C12orf42: variants seen among roughly 807,000 people sequenced by gnomAD.
C12orf42 encodes the protein uncharacterized protein C12orf42.
A neutral mutation model predicts 21.6 loss-of-function variants in C12orf42; 25 were observed. That is an observed-to-expected ratio of 1.16 (90% CI 0.84 to 1.62). The LOEUF (loss-of-function observed/expected upper bound fraction) is 1.62, where lower values mean the gene tolerates loss of function less well. C12orf42 is among the 40% of genes most tolerant of loss of function. The pLI is 0.00. For synonymous variants in C12orf42, 174 were observed against 175.0 expected (o/e 0.99, Z 0.05); for missense variants, 483 against 459.3 (o/e 1.05, Z -0.47).
the C12orf42 span, among the ~76,000 whole-genome samples, chr12:103,200,593 T>A: frequency 7.2e-5 from 11 of 152,302 alleles, no homozygotes; most frequent in Admixed American, 4.6e-4. Context: ...CAGCTCCAAA[T>A]TCATCAAGTT....
the C12orf42 span, among the ~76,000 whole-genome samples, chr12:103,165,329 C>T: frequency 6.6e-6 from 1 of 152,226 alleles, no homozygotes; most frequent in Non-Finnish European, 1.5e-5. Flanking sequence ...TCTTTGTTCT[C>T]TTGAAACATG....
At chr12:103,048,480 G>A in the C12orf42 span, among the ~76,000 whole-genome samples, 1 of 152,006 alleles carries the variant, frequency 6.6e-6, no homozygotes, top group Non-Finnish European at 1.5e-5. Context: ...TACACGTGTG[G>A]AACGTCTGAC....
intron 4 of C12orf42, among the ~76,000 whole-genome samples, chr12:103,285,768 G>A (rs576556164): frequency 2.6e-5 from 4 of 152,324 alleles, no homozygotes; most frequent in African/African-American, 9.6e-5. Flanking sequence ...CTTCATTGGA[G>A]AAGATTGTTT....
chr12:103,345,300 G>C (rs978522505), intron 4 of C12orf42, among the ~76,000 whole-genome samples: 8 of 151,990 alleles, frequency 5.3e-5, no homozygotes, highest in Non-Finnish European at 1.2e-4. Flanking sequence ...ATAATAATAG[G>C]ACCTTACTCA....
the C12orf42 span, among the ~76,000 whole-genome samples, chr12:103,087,253 C>A: frequency 6.6e-6 from 1 of 152,146 alleles, no homozygotes; most frequent in Non-Finnish European, 1.5e-5. Context: ...TAAGCATGTT[C>A]ATTCCATTTT....
chr12:103,385,197 T>G (rs981060128), intron 3 of C12orf42, among the ~76,000 whole-genome samples: 5 of 152,198 alleles, frequency 3.3e-5, no homozygotes. Context: ...ACTACTAAGT[T>G]AAGAAACACT....
intron 2 of C12orf42, among the ~76,000 whole-genome samples, chr12:103,472,767 G>A (rs1239028323): frequency 2.6e-5 from 4 of 152,170 alleles, no homozygotes; most frequent in Admixed American, 6.5e-5. Context: ...AGGAACAGAA[G>A]AAGCCATGTG....
At chr12:103,517,301 A>C in the C12orf42 span, among the ~76,000 whole-genome samples, 1 of 152,180 alleles carries the variant, frequency 6.6e-6, no homozygotes, top group Non-Finnish European at 1.5e-5. Flanking sequence ...CGAGTTTAGG[A>C]ATTAATCAGA....
chr12:103,070,848 C>T, the C12orf42 span, among the ~76,000 whole-genome samples: 18 of 152,192 alleles, frequency 1.2e-4, no homozygotes, highest in African/African-American at 4.1e-4. Context: ...TGAGTGTCAA[C>T]ATGTGATTGT....
At chr12:103,182,515 C>A in the C12orf42 span, among the ~76,000 whole-genome samples, 1 of 152,160 alleles carries the variant, frequency 6.6e-6, no homozygotes, top group African/African-American at 2.4e-5. Context: ...GCATTGCATT[C>A]AGTAGCAGGT....
intron 2 of C12orf42, among the ~76,000 whole-genome samples, chr12:103,407,356 G>A (rs559840802): frequency 3.9e-4 from 59 of 152,168 alleles, no homozygotes; most frequent in Non-Finnish European, 7.4e-4. Flanking sequence ...TTTGAACTGC[G>A]CAGGTCTACT....
chr12:103,064,606 C>A, the C12orf42 span, among the ~76,000 whole-genome samples: 3 of 152,196 alleles, frequency 2.0e-5, no homozygotes, highest in Non-Finnish European at 4.4e-5. Context: ...AGTTTACAGA[C>A]CCAGAACCCC....
chr12:103,246,226 A>T (rs2034002507), intron 10 of C12orf42, among the ~76,000 whole-genome samples: 4 of 152,042 alleles, frequency 2.6e-5, no homozygotes, highest in Admixed American at 6.6e-5. Context: ...AACTCCAAGA[A>T]ATGTTCTCTT....
At chr12:103,482,540 A>G (rs1954544159) in intron 1 of C12orf42, among the ~76,000 whole-genome samples, 1 of 152,056 alleles carries the variant, frequency 6.6e-6, no homozygotes, top group Non-Finnish European at 1.5e-5. Context: ...TTGTGTGTAT[A>G]TGAATGTGGA....
At chr12:103,409,286 G>C (rs550518409) in intron 2 of C12orf42, among the ~76,000 whole-genome samples, 3 of 152,254 alleles carry the variant, frequency 2.0e-5, no homozygotes, top group South Asian at 4.2e-4. Flanking sequence ...ACTGCACACA[G>C]AAGCATCAAA....
At chr12:103,282,559 C>A (rs935920847) in intron 4 of C12orf42, among the ~76,000 whole-genome samples, 1 of 152,068 alleles carries the variant, frequency 6.6e-6, no homozygotes, top group African/African-American at 2.4e-5. Flanking sequence ...GAAGGCTATA[C>A]CATCTAGGTT....
chr12:103,366,359 T>A (rs1847905897), intron 4 of C12orf42, among the ~76,000 whole-genome samples: 1 of 152,012 alleles, frequency 6.6e-6, no homozygotes, highest in Non-Finnish European at 1.5e-5. Context: ...ACTATAAAAA[T>A]TCTAGAAGAT....
At chr12:103,062,278 T>G in the C12orf42 span, among the ~76,000 whole-genome samples, 1 of 151,808 alleles carries the variant, frequency 6.6e-6, no homozygotes, top group Non-Finnish European at 1.5e-5. Flanking sequence ...TGTGATATAT[T>G]TTCCTTCTGC....
the C12orf42 span, among the ~76,000 whole-genome samples, chr12:103,118,574 G>A: frequency 5.3e-5 from 8 of 152,028 alleles, no homozygotes; most frequent in Admixed American, 2.0e-4. Context: ...CAAGGCGGGC[G>A]GATCACGAGG....
Sources: allele counts gnomAD v4.1 joint callset (sites outside exome capture counted in the v4.1 genomes callset), GRCh38; gene constraint gnomAD v4.1.1; transcripts MANE v1.5; gene names NCBI Gene and HGNC (gene_info 2026-07-23, HGNC 2026-07-21).